EPS15: variants seen among roughly 807,000 people sequenced by gnomAD.
EPS15 encodes the protein epidermal growth factor receptor pathway substrate 15, also known as epidermal growth factor receptor substrate 15.
Under a neutral mutation model 113.8 loss-of-function variants are expected in EPS15, and 72 were observed. The observed-to-expected ratio is 0.63, with a 90% CI of 0.52 to 0.77. EPS15 has a LOEUF of 0.77. EPS15 is among the 30% of genes least tolerant of loss of function. EPS15 has a pLI of 0.00. For missense variants in EPS15, 1,048 were observed against 1,045.8 expected, an observed-to-expected ratio of 1.00 and a Z score of -0.03; for synonymous variants, 344 against 363.4, an observed-to-expected ratio of 0.95 and a Z score of 0.61.
intron 12 of EPS15, among the ~76,000 whole-genome samples, chr1:51,422,461 A>G (rs1200653208): frequency 6.6e-6 from 1 of 152,254 alleles, no homozygotes; most frequent in African/African-American, 2.4e-5. Context: ...AATCCAATTG[A>G]TCAAATATAC....
At chr1:51,423,669 G>T (rs2148452388) in intron 12 of EPS15, 1 of 985,324 alleles carries the variant, frequency 1.0e-6, no homozygotes, top group Middle Eastern at 5.2e-4. Flanking sequence ...AATTCTTTCT[G>T]CTCTGCTGCT....
At chr1:51,447,267 C>T (rs1418276803) in intron 9 of EPS15, among the ~76,000 whole-genome samples, 162 bp from the exon 10 acceptor site, 3 of 152,140 alleles carry the variant, frequency 2.0e-5, no homozygotes, top group Non-Finnish European at 1.5e-5. Context: ...AATCAAAATG[C>T]TGTGGGGAAG....
chr1:51,357,392 ATATATATAT>A (rs1324904609), intron 24 of EPS15, among the ~76,000 whole-genome samples: 46 of 59,092 alleles, frequency 7.8e-4, no homozygotes, highest in African/African-American at 3.8e-3. Context: ...AAAAAAAAAA[ATATATATAT>A]ATATATATAT....
chr1:51,476,719 T>G (rs1006496316), intron 2 of EPS15, among the ~76,000 whole-genome samples: 2 of 151,908 alleles, frequency 1.3e-5, no homozygotes, highest in African/African-American at 2.4e-5. Context: ...CTGATCTTAG[T>G]TATTTCTCAT....
rs57673903 is a variant in EPS15 at position 51,500,741 on chromosome 1, T to C, written c.33+18458A>G. 7.3e-3 allele frequency among the ~76,000 whole-genome samples: 1,106 copies of C among 152,132 alleles called. 13 individuals carry two copies. Among genetic ancestry groups the C allele is most frequent in the African/African-American group, 0.026 (1,065 of 41,498 alleles). The stretch of plus-strand genomic sequence containing the variant: ...GGCTCACGTCTGTAATCCCAGCACT[T>C]TGGGAGGCTGAGGTGGGAGGATCAC... On this transcript the variant is annotated intron_variant, in intron 1 of 24. Transcript: ENST00000371733.
chr1:51,515,783 G>A (rs943786567), intron 1 of EPS15, among the ~76,000 whole-genome samples: 1 of 152,220 alleles, frequency 6.6e-6, no homozygotes, highest in African/African-American at 2.4e-5. Context: ...CTAGTACATA[G>A]AGAAGAACAG....
intron 2 of EPS15, among the ~76,000 whole-genome samples, chr1:51,479,367 A>C (rs915518484): frequency 2.0e-5 from 3 of 152,064 alleles, no homozygotes; most frequent in Non-Finnish European, 4.4e-5. Flanking sequence ...ATCTTTTTTC[A>C]AGGATTTTAG....
intron 1 of EPS15, among the ~76,000 whole-genome samples, chr1:51,483,040 A>T (rs1430815644): frequency 6.6e-6 from 1 of 152,218 alleles, no homozygotes. Context: ...TAAACATTTC[A>T]TAACTTTTAA....
chr1:51,378,936 A>C (rs919528256), intron 21 of EPS15, among the ~76,000 whole-genome samples: 16 of 152,210 alleles, frequency 1.1e-4, no homozygotes, highest in Non-Finnish European at 2.1e-4. Context: ...AATAATGGCC[A>C]AAACTCCCCA....
intron 21 of EPS15, among the ~76,000 whole-genome samples, chr1:51,370,723 C>T (rs1422180024): frequency 6.6e-6 from 1 of 151,598 alleles, no homozygotes; most frequent in Non-Finnish European, 1.5e-5. Flanking sequence ...TGGGTTCAAG[C>T]AATTCTCCTG....
intron 1 of EPS15, among the ~76,000 whole-genome samples, chr1:51,511,283 C>A (rs965896379): frequency 6.6e-6 from 1 of 152,004 alleles, no homozygotes; most frequent in Non-Finnish European, 1.5e-5. Flanking sequence ...CACTTGAGGT[C>A]GGGAGATAGA....
chr1:51,394,633 A>T (rs1557796471), intron 20 of EPS15, among the ~76,000 whole-genome samples, 186 bp from the exon 21 acceptor site: 1 of 152,214 alleles, frequency 6.6e-6, no homozygotes, highest in Non-Finnish European at 1.5e-5. Context: ...ATTATTTTCT[A>T]ATCTTAACTG....
chr1:51,506,338 G>A (rs942780424), intron 1 of EPS15, among the ~76,000 whole-genome samples: 1 of 152,076 alleles, frequency 6.6e-6, no homozygotes, highest in African/African-American at 2.4e-5. Flanking sequence ...AATCAACTCA[G>A]TAGATTTACA....
intron 6 of EPS15, 44 bp from the exon 7 acceptor site, chr1:51,463,842 G>C (rs768096897): frequency 4.8e-6 from 6 of 1,240,694 alleles, no homozygotes; most frequent in Non-Finnish European, 6.9e-6. Flanking sequence ...TAAGAGAAAA[G>C]GATTTAACTG....
intron 8 of EPS15, 98 bp from the exon 9 acceptor site, chr1:51,448,233 C>G (rs1313676130): frequency 1.6e-6 from 1 of 644,428 alleles, no homozygotes; most frequent in Non-Finnish European, 2.5e-6. Flanking sequence ...GTCAGGCTCT[C>G]AAATCCTTTT....
At chr1:51,465,522 C>G (rs1220766457) in intron 5 of EPS15, among the ~76,000 whole-genome samples, 196 bp from the exon 6 acceptor site, 1 of 151,934 alleles carries the variant, frequency 6.6e-6, no homozygotes, top group Non-Finnish European at 1.5e-5. Flanking sequence ...TTTACTGTAC[C>G]TTTTCTGGTT....
rs567635176 is a variant in EPS15, at chr1:51,400,122, C to T, written c.1918+796G>A. 3.9e-5 allele frequency among the ~76,000 whole-genome samples: 6 copies of T among 152,278 alleles called. No individual in the cohort carries two copies. In the South Asian group the frequency reaches 1.2e-3, roughly 32 times the overall value. On this transcript the variant is annotated intron_variant, in intron 19 of 24. Coordinates refer to ENST00000371733, the MANE Select transcript of EPS15 (RefSeq NM_001981.3). ...AAAGCTAACAGCCAATAGTTTAGAACAGGTTTGGGATGCAAAACTAAATGG... is the reference window on the plus strand; with the variant it reads ...AAAGCTAACAGCCAATAGTTTAGAATAGGTTTGGGATGCAAAACTAAATGG...
At chr1:51,479,327 C>T (rs865849865) in intron 2 of EPS15, among the ~76,000 whole-genome samples, 14 of 152,166 alleles carry the variant, frequency 9.2e-5, no homozygotes, top group East Asian at 3.8e-4. Flanking sequence ...GTCTTCTCTA[C>T]GCTGTTTATT....
chr1:51,503,506 G>A (rs1380886068), intron 1 of EPS15, among the ~76,000 whole-genome samples: 1 of 152,140 alleles, frequency 6.6e-6, no homozygotes, highest in Non-Finnish European at 1.5e-5. Flanking sequence ...ACCAGGAATG[G>A]TGGCATGCGC....
Sources: gnomAD v4.1 joint callset for allele counts (sites outside exome capture counted in the v4.1 genomes callset) on GRCh38, gnomAD v4.1.1 for gene constraint, MANE v1.5 for transcripts, NCBI Gene and HGNC (gene_info 2026-07-23, HGNC 2026-07-21) for gene names.